LDHAL6A: variants seen among roughly 807,000 people sequenced by gnomAD.
The protein encoded by LDHAL6A is L-lactate dehydrogenase A-like 6A.
A neutral mutation model predicts 28.2 loss-of-function variants in LDHAL6A; 19 were observed. The ratio of observed to expected loss-of-function variants is 0.67; its 90% CI spans 0.47 to 0.99. The LOEUF is 0.99. LDHAL6A is among the 50% of genes least tolerant of loss of function. LDHAL6A has a pLI of 0.00. For missense variants in LDHAL6A, 372 were observed against 398.6 expected, an observed-to-expected ratio of 0.93 and a Z score of 0.57; for synonymous variants, 144 against 134.4, an observed-to-expected ratio of 1.07 and a Z score of -0.49.
At chr11:18,475,169 T>G (rs1031402028) in intron 3 of LDHAL6A, 17 of 240,708 alleles carry the variant, frequency 7.1e-5, no homozygotes, top group East Asian at 6.2e-4. Flanking sequence ...CTAAGCAAAA[T>G]TATTTGAAAG....
At chr11:18,469,579 T>TA (rs1011537687) in intron 3 of LDHAL6A, among the ~76,000 whole-genome samples, 3 of 152,096 alleles carry the variant, frequency 2.0e-5, no homozygotes, top group African/African-American at 7.2e-5. Flanking sequence ...TAAGGAAAAA[T>TA]AAAAAAATCT....
In LDHAL6A at chr11:18,478,906, A is replaced by AAT; in HGVS notation, c.*38_*39dup. 3.3e-6 allele frequency: 5 copies of AAT among 1,525,626 alleles called. No individual in the cohort carries two copies. The highest frequency in any genetic ancestry group is 4.5e-6 in the Non-Finnish European group (5 of 1,118,702). The allele number at this position is 1,525,626 out of a possible 1,614,324, so 94.5% of individuals were successfully genotyped here. On this transcript the variant is annotated 3_prime_UTR_variant, in exon 7 of 7. Coordinates refer to ENST00000280706, the MANE Select transcript of LDHAL6A (RefSeq NM_144972.5). The stretch of plus-strand genomic sequence containing the variant: ...AGCTAATTCTGTAGATTGAAGATGA[A>AAT]ATAGTAGTTATGGAATTGTATATGT...
chr11:18,474,116 G>A (rs1388160682), intron 3 of LDHAL6A, among the ~76,000 whole-genome samples: 1 of 151,478 alleles, frequency 6.6e-6, no homozygotes, highest in Non-Finnish European at 1.5e-5. Context: ...GTCTTGCTCT[G>A]TCGCCCAGGC....
intron 3 of LDHAL6A, among the ~76,000 whole-genome samples, chr11:18,474,302 C>T (rs1208441209): frequency 1.3e-5 from 2 of 151,836 alleles, no homozygotes; most frequent in Non-Finnish European, 2.9e-5. Flanking sequence ...TGGTCTTAAA[C>T]TCCTGACCTC....
rs1321046811 is a variant in LDHAL6A, at chr11:18,464,972, T to G, written c.245-665T>G. Among the ~76,000 whole-genome samples, 4 of 7,054 alleles carry G rather than the reference T, an allele frequency of 5.7e-4. No individual in the cohort carries two copies. In the East Asian group the frequency reaches 0.071, roughly 126 times the overall value. 4.6% of individuals were successfully genotyped at this position (7,054 alleles called of 152,430 possible). On this transcript the variant is annotated intron_variant, in intron 2 of 6. Coordinates refer to ENST00000280706, the MANE Select transcript of LDHAL6A (RefSeq NM_144972.5). Reference sequence around the variant, plus strand: ...AGGTATTTTAGGAGGTGAGGTGTTTTTTTTGTTTTTTTTTGTTTTGTTTTG... The same window carrying G: ...AGGTATTTTAGGAGGTGAGGTGTTTGTTTTGTTTTTTTTTGTTTTGTTTTG...
In LDHAL6A at chr11:18,465,758, C is replaced by A; in HGVS notation, c.366C>A (p.Pro122=). Residue 122 remains proline (P), a synonymous_variant, in exon 3 of 7, where the codon CCC becomes CCA. Transcript: ENST00000280706. ...RNVSIFKLMI[P]NITQYSPHCK... Reference sequence around the variant, plus strand: ...TATCCATCTTTAAATTAATGATTCCCAATATTACCCAGTACAGTCCTCACT... The same window carrying A: ...TATCCATCTTTAAATTAATGATTCCAAATATTACCCAGTACAGTCCTCACT... 6.2e-7 allele frequency: 1 copy of A among 1,613,356 alleles called. No homozygotes were observed. Among genetic ancestry groups the A allele is most frequent in the Non-Finnish European group, 8.5e-7 (1 of 1,179,442 alleles).
chr11:18,469,647 T>C (rs1043855977), intron 3 of LDHAL6A, among the ~76,000 whole-genome samples: 20 of 152,244 alleles, frequency 1.3e-4, no homozygotes, highest in African/African-American at 4.6e-4. Flanking sequence ...TATGCAGTTA[T>C]AGTACACACT....
Position 18,463,822 on chromosome 11 carries a change from T to C in LDHAL6A, c.127-139T>C. ...TTTAGACTTTTATATCATGACAAAATGATGAGATCATTTATTATGTTTCCT... is the reference window on the plus strand; with the variant it reads ...TTTAGACTTTTATATCATGACAAAACGATGAGATCATTTATTATGTTTCCT... On this transcript the variant is annotated intron_variant, in intron 1 of 6. Coordinates refer to ENST00000280706, the MANE Select transcript of LDHAL6A (RefSeq NM_144972.5). The C allele has an allele frequency of 6.7e-6, 4 of 600,962 alleles. No individual in the cohort carries two copies. The East Asian group carries it at 1.1e-4, about 16-fold the overall frequency. The allele number at this position is 600,962 out of a possible 1,614,324, so 37.2% of individuals were successfully genotyped here.
At chr11:18,472,320 T>C (rs1276745810) in intron 3 of LDHAL6A, among the ~76,000 whole-genome samples, 1 of 152,208 alleles carries the variant, frequency 6.6e-6, no homozygotes, top group Non-Finnish European at 1.5e-5. Flanking sequence ...GGTATTAGAA[T>C]GAATGCTTAC....
At chr11:18,469,191 T>C in intron 3 of LDHAL6A, 1 of 642,190 alleles carries the variant, frequency 1.6e-6, no homozygotes. Flanking sequence ...CCTTCATTAA[T>C]TTCTCTAACC....
intron 4 of LDHAL6A, among the ~76,000 whole-genome samples, chr11:18,476,167 T>G (rs146802536): frequency 8.5e-4 from 129 of 152,354 alleles, no homozygotes; most frequent in African/African-American, 3.0e-3. Context: ...AGTTTAAAAC[T>G]GCAATTTTCT....
At chr11:18,477,478 A>G (rs1235163144) in intron 5 of LDHAL6A, 142 bp from the exon 6 acceptor site, 1 of 713,444 alleles carries the variant, frequency 1.4e-6, no homozygotes, top group East Asian at 2.9e-5. Context: ...GAAAGAAAAA[A>G]TGCATACATA....
chr11:18,459,460 G>A (rs1393593775), intron 1 of LDHAL6A, among the ~76,000 whole-genome samples: 1 of 152,208 alleles, frequency 6.6e-6, no homozygotes, highest in Non-Finnish European at 1.5e-5. Context: ...GAGGTTTTGG[G>A]ACTTGGACTG....
rs913716617 is a variant in LDHAL6A, at chr11:18,477,628, A to G, written c.719A>G (p.Glu240Gly). 3 of 1,608,098 alleles carry G rather than the reference A, an allele frequency of 1.9e-6. No individual in the cohort carries two copies. The highest frequency in any genetic ancestry group is 1.7e-6 in the Non-Finnish European group (2 of 1,178,572). ...VHKKVISSGY[E>G]MVKMKGYTSW... is the part of the protein sequence containing the mutation. ...GTTTCTTCTATCTACAGTGGCTATG[A>G]GATGGTCAAAATGAAAGGTTATACT... The change falls in exon 6 of 7, where the codon GAG (glutamate) becomes GGG (glycine). Residue 240 changes from glutamate (E) to glycine (G), a missense_variant. Glu to Gly is a moderately conservative substitution (Grantham distance 98). Coordinates refer to ENST00000280706, the MANE Select transcript of LDHAL6A (RefSeq NM_144972.5).
intron 1 of LDHAL6A, among the ~76,000 whole-genome samples, chr11:18,457,041 C>T (rs1369956543): frequency 6.6e-6 from 1 of 152,174 alleles, no homozygotes; most frequent in Non-Finnish European, 1.5e-5. Flanking sequence ...TGACATTTCA[C>T]TTTCACGTAA....
At chr11:18,462,944 G>A (rs59078605) in intron 1 of LDHAL6A, among the ~76,000 whole-genome samples, 5,219 of 106,066 alleles carry the variant, frequency 0.049, 327 homozygotes, top group African/African-American at 0.17. Context: ...TCAGTTTCTT[G>A]TATTTCTAGT....
chr11:18,457,779 G>T (rs1459196852), intron 1 of LDHAL6A, among the ~76,000 whole-genome samples: 1 of 152,098 alleles, frequency 6.6e-6, no homozygotes, highest in Non-Finnish European at 1.5e-5. Context: ...TCAAGCAGGA[G>T]GTCTCGGCTT....
In LDHAL6A at chr11:18,464,139, A is replaced by G. The variant is rs1001062601; in HGVS notation, c.244+61A>G. The G allele has an allele frequency of 1.2e-4, 141 of 1,180,654 alleles. No individual in the cohort carries two copies. In the African/African-American group the frequency reaches 1.8e-3, roughly 15 times the overall value. The allele number at this position is 1,180,654 out of a possible 1,614,324, so 73.1% of individuals were successfully genotyped here. A position where few individuals can be genotyped will look rare whatever the true frequency, so the allele number is the denominator to read the frequency against. ...TATACATGAACAAGTATCTAAGAAA[A>G]TCATCTTTATTTCTTTTGACCTCCC... is the stretch of plus-strand genomic sequence containing the variant. On this transcript the variant is annotated intron_variant, in intron 2 of 6. Transcript: ENST00000280706.
At position 18,465,726 on chromosome 11, in the gene LDHAL6A, C is replaced by A. The variant is rs200655858; in HGVS notation, c.334C>A (p.Arg112=). The change falls in exon 3 of 7, where the codon CGA becomes AGA. Residue 112 remains arginine, a synonymous_variant. Transcript: ENST00000280706. ...KGETRLDLVQ[R]NVSIFKLMIP... is the part of the protein sequence containing the mutation. ...AGAAACACGCCTTGATTTAGTCCAG[C>A]GAAATGTATCCATCTTTAAATTAAT... is the stretch of plus-strand genomic sequence containing the variant. The A allele has an allele frequency of 3.3e-5, 54 of 1,613,422 alleles. No individual in the cohort carries two copies. The East Asian group carries it at 7.6e-4, about 23-fold the overall frequency.
Sources: gnomAD v4.1 joint callset for allele counts (sites outside exome capture counted in the v4.1 genomes callset) on GRCh38, gnomAD v4.1.1 for gene constraint, MANE v1.5 for transcripts, NCBI Gene and HGNC (gene_info 2026-07-23, HGNC 2026-07-21) for gene names.